The following ROBO1 variants were observed in gnomAD, a reference collection of about 807,000 sequenced individuals.
The protein encoded by ROBO1 is roundabout homolog 1.
A neutral mutation model predicts 195.9 loss-of-function variants in ROBO1; 149 were observed. That is an observed-to-expected ratio of 0.76 (90% CI 0.67 to 0.87). The LOEUF (loss-of-function observed/expected upper bound fraction) is 0.87. Among genes scored for constraint, ROBO1 ranks in the 40% least tolerant of loss-of-function variants. The pLI, the probability that ROBO1 is intolerant of heterozygous loss-of-function variation, is 0.00. For missense variants in ROBO1, 1,933 were observed against 2,068.3 expected, an observed-to-expected ratio of 0.93 and a Z score of 1.27; for synonymous variants, 816 against 733.2, an observed-to-expected ratio of 1.11 and a Z score of -1.82.
At chr3:79,040,027 C>G (rs2078455920) in intron 3 of ROBO1, among the ~76,000 whole-genome samples, 1 of 151,936 alleles carries the variant, frequency 6.6e-6, no homozygotes. Flanking sequence ...TCTTTCTGAC[C>G]TATAGACAAT....
chr3:79,544,918 T>G (rs1942207401), intron 2 of ROBO1, among the ~76,000 whole-genome samples: 1 of 152,078 alleles, frequency 6.6e-6, no homozygotes, highest in Non-Finnish European at 1.5e-5. Flanking sequence ...TCCATCCAAC[T>G]TAACTAACAG....
At chr3:79,297,875 A>T (rs2109048509) in intron 2 of ROBO1, among the ~76,000 whole-genome samples, 1 of 152,220 alleles carries the variant, frequency 6.6e-6, no homozygotes, top group African/African-American at 2.4e-5. Context: ...TCTGAAATTC[A>T]AATCTATGTA....
chr3:78,719,444 C>T (rs184995453), intron 5 of ROBO1, among the ~76,000 whole-genome samples: 2 of 151,698 alleles, frequency 1.3e-5, no homozygotes, highest in East Asian at 3.9e-4. Flanking sequence ...ATCCGTCTTT[C>T]AATTATGTGT....
At chr3:78,866,170 A>T (rs547456825) in intron 4 of ROBO1, among the ~76,000 whole-genome samples, 17 of 152,358 alleles carry the variant, frequency 1.1e-4, no homozygotes, top group Admixed American at 3.3e-4. Flanking sequence ...CAGTCTGCTT[A>T]TAATTAAATT....
intron 2 of ROBO1, among the ~76,000 whole-genome samples, chr3:79,161,104 G>C (rs2080954434): frequency 6.6e-6 from 1 of 151,994 alleles, no homozygotes; most frequent in African/African-American, 2.4e-5. Context: ...ATAAAGGAAA[G>C]CCAGCTGAGG....
At chr3:78,744,717 T>C (rs1285286548) in intron 5 of ROBO1, among the ~76,000 whole-genome samples, 1 of 152,166 alleles carries the variant, frequency 6.6e-6, no homozygotes, top group Non-Finnish European at 1.5e-5. Flanking sequence ...GAGGTTTTTA[T>C]GTGAGGCATT....
chr3:79,231,378 C>A (rs2082318862), intron 2 of ROBO1, among the ~76,000 whole-genome samples: 1 of 151,594 alleles, frequency 6.6e-6, no homozygotes, highest in South Asian at 2.1e-4. Context: ...AAGAAAAAAC[C>A]AACTACGTTA....
intron 2 of ROBO1, among the ~76,000 whole-genome samples, chr3:79,587,571 A>AT (rs1420857521): frequency 2.6e-5 from 4 of 151,442 alleles, no homozygotes; most frequent in South Asian, 2.1e-4. Context: ...GATGAAGGAG[A>AT]TTTTTTTTCT....
intron 4 of ROBO1, among the ~76,000 whole-genome samples, chr3:78,865,885 T>G (rs1041854936): frequency 6.6e-6 from 1 of 152,216 alleles, no homozygotes; most frequent in Non-Finnish European, 1.5e-5. Flanking sequence ...GACTCCTTAG[T>G]TGACAAACCA....
intron 3 of ROBO1, among the ~76,000 whole-genome samples, chr3:79,120,863 A>C (rs2108560471): frequency 6.6e-6 from 1 of 152,292 alleles, no homozygotes; most frequent in East Asian, 1.9e-4. Context: ...AACTCTCACT[A>C]TTAATTTAAC....
At chr3:78,844,481 A>G (rs538659629) in intron 4 of ROBO1, among the ~76,000 whole-genome samples, 1 of 152,224 alleles carries the variant, frequency 6.6e-6, no homozygotes, top group Admixed American at 6.6e-5. Context: ...ACAAAAGGTC[A>G]AAGGACCTGA....
chr3:79,370,673 T>TTA (rs555338370), intron 2 of ROBO1, among the ~76,000 whole-genome samples: 11 of 151,268 alleles, frequency 7.3e-5, no homozygotes, highest in South Asian at 6.2e-4. Flanking sequence ...TAATAATGTA[T>TTA]TATATATATA....
At chr3:79,347,121 C>T (rs534836564) in intron 2 of ROBO1, among the ~76,000 whole-genome samples, 1 of 152,026 alleles carries the variant, frequency 6.6e-6, no homozygotes, top group East Asian at 1.9e-4. Context: ...CAAATATAAC[C>T]CCATTTCGAC....
intron 3 of ROBO1, among the ~76,000 whole-genome samples, chr3:78,946,292 A>G (rs2040439747): frequency 1.3e-5 from 2 of 152,194 alleles, no homozygotes; most frequent in Admixed American, 1.3e-4. Flanking sequence ...GTTACCCACA[A>G]AGGGAAGCCC....
intron 2 of ROBO1, among the ~76,000 whole-genome samples, chr3:79,502,085 C>G (rs1940102738): frequency 6.6e-6 from 1 of 152,230 alleles, no homozygotes; most frequent in Non-Finnish European, 1.5e-5. Flanking sequence ...TGAGAGGTGA[C>G]AGCATGCTGG....
At chr3:78,937,743 T>A (rs2039889203) in intron 4 of ROBO1, among the ~76,000 whole-genome samples, 2 of 152,248 alleles carry the variant, frequency 1.3e-5, no homozygotes, top group Middle Eastern at 3.4e-3. Flanking sequence ...TACTTGAGGA[T>A]AACATACACC....
At chr3:79,728,135 TCCCC>T (rs10601245) in intron 1 of ROBO1, among the ~76,000 whole-genome samples, 1 of 151,452 alleles carries the variant, frequency 6.6e-6, no homozygotes, top group African/African-American at 2.4e-5. Flanking sequence ...TTTAGATATA[TCCCC>T]CCCCCCACAG....
At chr3:78,961,862 T>G (rs1482382163) in intron 3 of ROBO1, among the ~76,000 whole-genome samples, 1 of 152,068 alleles carries the variant, frequency 6.6e-6, no homozygotes, top group African/African-American at 2.4e-5. Context: ...TTGTATGTGG[T>G]AGTTGGGAGG....
intron 1 of ROBO1, among the ~76,000 whole-genome samples, chr3:79,625,422 T>TAAAAAAA (rs1945136215): frequency 5.0e-4 from 2 of 3,970 alleles, no homozygotes; most frequent in African/African-American, 1.1e-3. Context: ...CTGTTTTTTT[T>TAAAAAAA]GAAAAAAAAA....
Sources: allele counts gnomAD v4.1 joint callset (sites outside exome capture counted in the v4.1 genomes callset), GRCh38; gene constraint gnomAD v4.1.1; transcripts MANE v1.5; gene names NCBI Gene and HGNC (gene_info 2026-07-23, HGNC 2026-07-21).